The following LINGO2 variants were observed in gnomAD, a reference collection of about 807,000 sequenced individuals.
The protein encoded by LINGO2 is leucine-rich repeat and immunoglobulin-like domain-containing nogo receptor-interacting protein 2.
A neutral mutation model predicts 30.6 loss-of-function variants in LINGO2; 14 were observed. The observed-to-expected ratio is 0.46, with a 90% CI of 0.30 to 0.72. The LOEUF is 0.72. LINGO2 is among the 30% of genes least tolerant of loss of function. LINGO2 has a pLI of 0.07. For missense variants in LINGO2, 729 were observed against 751.7 expected (o/e 0.97, Z 0.35); for synonymous variants, 317 against 288.5 (o/e 1.10, Z -1.00).
chr9:28,704,999 C>G, the LINGO2 span, among the ~76,000 whole-genome samples: 1 of 152,082 alleles, frequency 6.6e-6, no homozygotes, highest in Non-Finnish European at 1.5e-5. Context: ...TCACTGCAAT[C>G]TCTGCCTCCT....
At chr9:28,351,860 A>T (rs1355567338) in intron 3 of LINGO2, among the ~76,000 whole-genome samples, 4 of 149,830 alleles carry the variant, frequency 2.7e-5, no homozygotes, top group African/African-American at 9.8e-5. Flanking sequence ...GCAAATCAAT[A>T]AATGTAATCC....
Position 28,130,191 on chromosome 9 carries a change from C to G in LINGO2, c.-86-117786G>C, listed in dbSNP as rs1441401978. On this transcript the variant is annotated intron_variant, in intron 4 of 5. Transcript: ENST00000379992. The surrounding 1 kb of genome is among the most constrained non-coding windows in gnomAD (Gnocchi z 5.2). ...TTCATTTTAACCACTGGTTTGAACT[C>G]TAGACCCTCTAAAATAGACCTTAAC... 1.3e-5 allele frequency among the ~76,000 whole-genome samples: 2 copies of G among 152,222 alleles called. No homozygotes were observed. The highest frequency in any genetic ancestry group is 2.9e-5 in the Non-Finnish European group (2 of 68,038).
At chr9:28,111,119 A>G (rs1325857807) in intron 4 of LINGO2, among the ~76,000 whole-genome samples, 1 of 152,166 alleles carries the variant, frequency 6.6e-6, no homozygotes, top group East Asian at 1.9e-4. Context: ...CATCATTCTC[A>G]GCAAACTAAC....
At chr9:28,269,943 AAAT>A in intron 4 of LINGO2, among the ~76,000 whole-genome samples, 1 of 152,260 alleles carries the variant, frequency 6.6e-6, no homozygotes, top group East Asian at 1.9e-4. Context: ...CAACCACAAC[AAAT>A]AATAATGCAA....
chr9:28,698,425 A>G, the LINGO2 span, among the ~76,000 whole-genome samples: 7 of 152,106 alleles, frequency 4.6e-5, no homozygotes, highest in Admixed American at 2.6e-4. Flanking sequence ...TATTATTCAG[A>G]CTATTCTTCA....
chr9:28,978,743 TAGAACACAAA>T, the LINGO2 span, among the ~76,000 whole-genome samples: 2,505 of 152,100 alleles, frequency 0.016, 82 homozygotes, highest in African/African-American at 0.057. Flanking sequence ...AACTGAGTCT[TAGAACACAAA>T]AGAACACAAG....
chr9:28,556,064 C>T (rs1158828548), intron 1 of LINGO2, among the ~76,000 whole-genome samples: 2 of 152,084 alleles, frequency 1.3e-5, no homozygotes, highest in Non-Finnish European at 2.9e-5. Flanking sequence ...AAACTGGAAG[C>T]ATTCCCTCTG....
intron 4 of LINGO2, among the ~76,000 whole-genome samples, chr9:28,055,216 G>A (rs1824869407): frequency 6.6e-6 from 1 of 152,112 alleles, no homozygotes; most frequent in African/African-American, 2.4e-5. Context: ...AATTTCTTAT[G>A]AACGTGAAAA....
the LINGO2 span, among the ~76,000 whole-genome samples, chr9:28,755,123 C>T: frequency 1.7e-3 from 257 of 152,176 alleles, 3 homozygotes; most frequent in South Asian, 8.9e-3. Context: ...CTGTAAAATA[C>T]TTAAAGCAAA....
rs575140596 is a variant in LINGO2, at chr9:28,054,434, C to CAT, written c.-86-42030_-86-42029insAT. Among the ~76,000 whole-genome samples, 218 of 152,182 alleles carry CAT rather than the reference C, an allele frequency of 1.4e-3. 2 individuals carry two copies. The highest frequency in any genetic ancestry group is 5.0e-3 in the African/African-American group (208 of 41,536). ...TTTATAAGACTTGTCTGGATCTCCA[C>CAT]GTTACTGCTATACTGACATATATAC... On this transcript the variant is annotated intron_variant, in intron 4 of 5. Coordinates refer to ENST00000379992, the Ensembl canonical transcript of LINGO2.
At chr9:27,975,399 G>T (rs1310789978) in intron 5 of LINGO2, among the ~76,000 whole-genome samples, 1 of 152,000 alleles carries the variant, frequency 6.6e-6, no homozygotes, top group African/African-American at 2.4e-5. Flanking sequence ...GGGTAAATGG[G>T]GGGGCTGGGG....
At chr9:28,230,664 G>C (rs777621254) in intron 4 of LINGO2, among the ~76,000 whole-genome samples, 3 of 151,726 alleles carry the variant, frequency 2.0e-5, no homozygotes, top group African/African-American at 4.8e-5. Context: ...TAGTTATTGA[G>C]ATTTTAATTG....
intron 2 of LINGO2, among the ~76,000 whole-genome samples, chr9:28,411,134 C>T (rs970332882): frequency 6.8e-6 from 1 of 146,144 alleles, no homozygotes; most frequent in East Asian, 2.0e-4. Context: ...TTAGGAGAGC[C>T]TTCTAAACAA....
intron 2 of LINGO2, among the ~76,000 whole-genome samples, chr9:28,409,810 C>T (rs981349432): frequency 4.0e-5 from 6 of 151,606 alleles, no homozygotes; most frequent in African/African-American, 1.5e-4. Context: ...TACCATCTAG[C>T]CCAACAACCT....
At chr9:29,114,653 A>T in the LINGO2 span, among the ~76,000 whole-genome samples, 1 of 143,712 alleles carries the variant, frequency 7.0e-6, no homozygotes, top group Non-Finnish European at 1.5e-5. Context: ...ACATGCAGTG[A>T]TTGGTTTTTT....
intron 1 of LINGO2, among the ~76,000 whole-genome samples, chr9:28,648,598 T>C (rs571928364): frequency 6.6e-6 from 1 of 152,258 alleles, no homozygotes; most frequent in Admixed American, 6.5e-5. Flanking sequence ...AATATTATGC[T>C]GTTTAATTTT....
rs116433823 is a variant in LINGO2, at chr9:28,378,567, A to G, written c.-278-5699T>C. Among the ~76,000 whole-genome samples the G allele has an allele frequency of 2.3e-3, 343 of 152,326 alleles. 1 individual carries two copies. The highest frequency in any genetic ancestry group is 7.8e-3 in the African/African-American group (325 of 41,586). ...AAGTCAAAGATTCTTCCAGACTTCC[A>G]GAAACTCTACTAGACCATTGCTCCC... On this transcript the variant is annotated intron_variant, in intron 2 of 5. Transcript: ENST00000379992.
At chr9:28,663,903 TG>T (rs1828685759) in intron 1 of LINGO2, among the ~76,000 whole-genome samples, 1 of 133,590 alleles carries the variant, frequency 7.5e-6, no homozygotes, top group African/African-American at 3.2e-5. Flanking sequence ...AGAATCAACT[TG>T]AGATTATATA....
rs139428786 is a variant in LINGO2 at position 28,251,040 on chromosome 9, C to T, written c.-87+44168G>A. On this transcript the variant is annotated intron_variant, in intron 4 of 5. Transcript: ENST00000379992. ...GTGTTCTCCCCTTTCTGTAAGGGTA[C>T]ATTCAAATTTTAAAAAGAAAAAAAA... 2.0e-5 allele frequency among the ~76,000 whole-genome samples: 3 copies of T among 148,922 alleles called. No homozygotes were observed. The East Asian group carries it at 6.0e-4, about 30-fold the overall frequency.
Sources: allele counts gnomAD v4.1 joint callset (sites outside exome capture counted in the v4.1 genomes callset), GRCh38; gene constraint gnomAD v4.1.1; non-coding constraint Gnocchi (gnomAD v3.1); transcripts MANE v1.5; gene names NCBI Gene and HGNC (gene_info 2026-07-23, HGNC 2026-07-21).